JMY: variants seen among roughly 807,000 people sequenced by gnomAD.
JMY encodes junction-mediating and -regulatory protein.
A neutral mutation model predicts 103.3 loss-of-function variants in JMY; 46 were observed. That is an observed-to-expected ratio of 0.45 (90% CI 0.35 to 0.57). The LOEUF (loss-of-function observed/expected upper bound fraction) is 0.57. Among genes scored for constraint, JMY ranks in the 20% least tolerant of loss-of-function variants. The pLI, the probability that JMY is intolerant of heterozygous loss-of-function variation, is 0.00. For missense variants in JMY, 1,238 were observed against 1,255.2 expected (o/e 0.99, Z 0.21); for synonymous variants, 526 against 489.3 (o/e 1.07, Z -0.99).
chr5:79,249,938 G>A (rs908963997), intron 1 of JMY, among the ~76,000 whole-genome samples: 10 of 152,134 alleles, frequency 6.6e-5, no homozygotes, highest in African/African-American at 2.2e-4. Context: ...TGAGCTTTCT[G>A]CCCGTGGTTC....
Position 79,237,546 on chromosome 5 carries a change from C to A in JMY, c.896C>A (p.Thr299Asn). 5 of 1,613,758 alleles carry A rather than the reference C, an allele frequency of 3.1e-6. No individual in the cohort carries two copies. The highest frequency in any genetic ancestry group is 4.2e-6 in the Non-Finnish European group (5 of 1,180,026). ...GTCTACCTGGGCCACGGCCTGGACACCTGCGGCTGGAAGATCCTCTCCCAG... is the reference window on the plus strand; with the variant it reads ...GTCTACCTGGGCCACGGCCTGGACAACTGCGGCTGGAAGATCCTCTCCCAG... The part of the protein sequence containing the change: ...LQVYLGHGLD[T>N]CGWKILSQVL... Residue 299 changes from threonine (T) to asparagine (N), a missense_variant, in exon 1 of 11, where the codon ACC becomes AAC. By Grantham distance (65) the Thr-to-Asn change is moderately conservative. Transcript: ENST00000396137.
chr5:79,271,134 G>A (rs1043945181), intron 1 of JMY, among the ~76,000 whole-genome samples: 27 of 151,878 alleles, frequency 1.8e-4, no homozygotes, highest in Non-Finnish European at 2.9e-4. Context: ...GGCATGATCA[G>A]GACTCACTGC....
At chr5:79,269,531 C>T (rs1187806643) in intron 1 of JMY, among the ~76,000 whole-genome samples, 1 of 152,178 alleles carries the variant, frequency 6.6e-6, no homozygotes, top group Non-Finnish European at 1.5e-5. Flanking sequence ...TTAGGAAGAA[C>T]TAATACCTTG....
chr5:79,240,986 A>T (rs1276374645), intron 1 of JMY, among the ~76,000 whole-genome samples: 2 of 152,192 alleles, frequency 1.3e-5, no homozygotes, highest in African/African-American at 4.8e-5. Context: ...GTTACTTTTG[A>T]GGATATGTTA....
intron 1 of JMY, among the ~76,000 whole-genome samples, chr5:79,266,306 A>T (rs1009462262): frequency 6.6e-6 from 1 of 152,224 alleles, no homozygotes; most frequent in Admixed American, 6.5e-5. Flanking sequence ...TAGAATGTCT[A>T]CCTAGTGGTA....
At position 79,236,569 on chromosome 5, in the gene JMY, G is replaced by C. The variant is rs981534305; in HGVS notation, c.-82G>C. The C allele has an allele frequency of 3.8e-5, 44 of 1,145,096 alleles. No homozygotes were observed. The highest frequency in any genetic ancestry group is 3.9e-5 in the Non-Finnish European group (35 of 886,878). 70.9% of individuals were successfully genotyped at this position (1,145,096 alleles called of 1,614,324 possible). A position where few individuals can be genotyped will look rare whatever the true frequency, so the allele number is the denominator to read the frequency against. On this transcript the variant is annotated 5_prime_UTR_variant, in exon 1 of 11. Transcript: ENST00000396137. ...CTGAAGGCGCCCGGCGAGGGTGAGC[G>C]GGGGGCGCGGCGCAGCCAGCGGGGA...
At chr5:79,287,913 G>T (rs898112051) in intron 2 of JMY, among the ~76,000 whole-genome samples, 1 of 152,124 alleles carries the variant, frequency 6.6e-6, no homozygotes, top group Admixed American at 6.5e-5. Context: ...TCCTGAGTAA[G>T]GGATTTAAGT....
intron 1 of JMY, among the ~76,000 whole-genome samples, chr5:79,260,539 C>T (rs1428445307): frequency 6.6e-6 from 1 of 151,834 alleles, no homozygotes; most frequent in Non-Finnish European, 1.5e-5. Flanking sequence ...AACCACCATA[C>T]CCAGCTGATT....
At chr5:79,243,449 G>T (rs1272966100) in intron 1 of JMY, among the ~76,000 whole-genome samples, 1 of 152,028 alleles carries the variant, frequency 6.6e-6, no homozygotes, top group Admixed American at 6.6e-5. Flanking sequence ...TATAGGGAAG[G>T]ATATAATATG....
rs1167050972 is a variant in JMY, at chr5:79,325,864, A to AGTCTAGATTCGGCGAGAGTGT, written c.*4264_*4284dup. The AGTCTAGATTCGGCGAGAGTGT allele has an allele frequency of 3.9e-5, 6 of 152,106 alleles. No homozygotes were observed. The highest frequency in any genetic ancestry group is 7.4e-5 in the Non-Finnish European group (5 of 67,988). 9.4% of individuals were successfully genotyped at this position (152,106 alleles called of 1,614,324 possible). ...CAAAGGGTTTGGAAAGGCGGGAGGG[A>AGTCTAGATTCGGCGAGAGTGT]GTCTAGATTCGGCGAGAGTGTGCGT... On this transcript the variant is annotated 3_prime_UTR_variant, in exon 11 of 11. Coordinates refer to ENST00000396137, the MANE Select transcript of JMY (RefSeq NM_152405.5).
In JMY at chr5:79,237,785, T is replaced by A. The variant is rs941182385; in HGVS notation, c.1032+103T>A. On this transcript the variant is annotated intron_variant, in intron 1 of 10. Coordinates refer to ENST00000396137, the MANE Select transcript of JMY (RefSeq NM_152405.5). ...TGTCGGGTGTGCGCAGTAGGACGGT[T>A]GTTTTTCTGGACAAGCGGAAACCAA... is the stretch of plus-strand genomic sequence containing the variant. The A allele has an allele frequency of 7.7e-6, 8 of 1,038,636 alleles. No homozygotes were observed. In the African/African-American group the frequency reaches 8.1e-5, roughly 10 times the overall value. The allele number at this position is 1,038,636 out of a possible 1,614,324, so 64.3% of individuals were successfully genotyped here. A position where few individuals can be genotyped will look rare whatever the true frequency, so the allele number is the denominator to read the frequency against.
chr5:79,256,132 C>T (rs1745236660), intron 1 of JMY, among the ~76,000 whole-genome samples: 1 of 152,246 alleles, frequency 6.6e-6, no homozygotes, highest in East Asian at 1.9e-4. Context: ...TGAGCTGGCA[C>T]TCACACCACT....
At chr5:79,261,483 G>A (rs1444519924) in intron 1 of JMY, among the ~76,000 whole-genome samples, 3 of 152,102 alleles carry the variant, frequency 2.0e-5, no homozygotes, top group Admixed American at 1.3e-4. Flanking sequence ...CTTAAGCCCT[G>A]GAGGTTGAGG....
At chr5:79,248,249 C>T (rs1007790914) in intron 1 of JMY, among the ~76,000 whole-genome samples, 1 of 151,972 alleles carries the variant, frequency 6.6e-6, no homozygotes. Flanking sequence ...AGGCTGGTCT[C>T]GAACTCCTGG....
chr5:79,255,792 T>C (rs1430273929), intron 1 of JMY, among the ~76,000 whole-genome samples: 3 of 152,290 alleles, frequency 2.0e-5, no homozygotes, highest in Admixed American at 6.5e-5. Context: ...ACAGAGTTTC[T>C]CTCTCTGTTC....
Position 79,314,344 on chromosome 5 carries a change from G to A in JMY, c.2152G>A (p.Glu718Lys), listed in dbSNP as rs1403083834. Residue 718 changes from glutamate (E) to lysine (K), a missense_variant, in exon 9 of 11, where the codon GAG (glutamate) becomes AAG (lysine). Glu to Lys is a moderately conservative substitution (Grantham distance 56). Transcript: ENST00000396137. ...AGGTGCAGCAAGTCCTGTTCTCCAA[G>A]AGGATCATTGTGACTCTTTACCAAG... is the stretch of plus-strand genomic sequence containing the variant. ...RKGAASPVLQ[E>K]DHCDSLPSVL... 6.2e-7 allele frequency: 1 copy of A among 1,614,194 alleles called. No homozygotes were observed. The highest frequency in any genetic ancestry group is 2.2e-5 in the East Asian group (1 of 44,890).
chr5:79,290,132 G>A lies in JMY; in HGVS notation c.1218G>A (p.Glu406=), dbSNP rs777310925. 1 of 1,576,002 alleles carries A rather than the reference G, an allele frequency of 6.3e-7. No individual in the cohort carries two copies. Among genetic ancestry groups the A allele is most frequent in the Non-Finnish European group, 8.6e-7 (1 of 1,164,822 alleles). ...LRRQQIKISM[E]NDYLGPRRIE... is the part of the protein sequence containing the mutation. ...TTTTCTCTCTGAAGATTTCCATGGA[G>A]AATGATTATCTGGGACCTCGAAGAA... Residue 406 remains glutamate, a synonymous_variant, in exon 3 of 11, where the codon GAG becomes GAA. Coordinates refer to ENST00000396137, the MANE Select transcript of JMY (RefSeq NM_152405.5).
chr5:79,290,053 T>C, intron 2 of JMY, 68 bp from the exon 3 acceptor site: 1 of 1,159,926 alleles, frequency 8.6e-7, no homozygotes, highest in Non-Finnish European at 1.2e-6. Flanking sequence ...GTATATAAAC[T>C]TTAAATGTTT....
At chr5:79,285,472 T>C (rs965086571) in intron 2 of JMY, among the ~76,000 whole-genome samples, 3 of 150,472 alleles carry the variant, frequency 2.0e-5, no homozygotes, top group African/African-American at 7.3e-5. Context: ...GCATGCACAC[T>C]GTGAACTAGG....
Sources: allele counts gnomAD v4.1 joint callset (sites outside exome capture counted in the v4.1 genomes callset), GRCh38; gene constraint gnomAD v4.1.1; transcripts MANE v1.5; gene names NCBI Gene and HGNC (gene_info 2026-07-23, HGNC 2026-07-21).